SHISA9: variants seen among roughly 807,000 people sequenced by gnomAD.
The protein encoded by SHISA9 is shisa family member 9, also known as protein shisa-9.
SHISA9 carries 13 observed loss-of-function variants against 38.0 expected under a neutral mutation model. The ratio of observed to expected loss-of-function variants is 0.34; its 90% CI spans 0.22 to 0.54. The LOEUF (loss-of-function observed/expected upper bound fraction) is 0.54, where lower values mean the gene tolerates loss of function less well. Among genes scored for constraint, SHISA9 ranks in the 20% least tolerant of loss-of-function variants. SHISA9 has a pLI of 0.91. For missense variants in SHISA9, 538 were observed against 575.8 expected (o/e 0.93, Z 0.67); for synonymous variants, 275 against 242.0 (o/e 1.14, Z -1.27).
chr16:13,063,006 CT>C (rs201009080), intron 2 of SHISA9, among the ~76,000 whole-genome samples: 40 of 131,228 alleles, frequency 3.0e-4, no homozygotes, highest in African/African-American at 9.4e-4. Flanking sequence ...AGTTTCTTTT[CT>C]TTTTTTTTCT....
the SHISA9 span, among the ~76,000 whole-genome samples, chr16:13,347,812 T>C: frequency 4.8e-5 from 7 of 144,478 alleles, no homozygotes; most frequent in African/African-American, 2.5e-5. Context: ...ATTTTTTTTC[T>C]GACAATTGTG....
At chr16:13,532,428 C>A in the SHISA9 span, among the ~76,000 whole-genome samples, 2 of 152,112 alleles carry the variant, frequency 1.3e-5, no homozygotes, top group Non-Finnish European at 1.5e-5. Context: ...CAAACCAGAG[C>A]AGAGGTTCCA....
chr16:12,956,560 C>G (rs1031478239), intron 2 of SHISA9, among the ~76,000 whole-genome samples: 5 of 152,170 alleles, frequency 3.3e-5, no homozygotes, highest in African/African-American at 1.2e-4. Flanking sequence ...AGAATGAAAT[C>G]ATGTCCTTTG....
chr16:13,253,328 T>C, the SHISA9 span, among the ~76,000 whole-genome samples: 3 of 152,282 alleles, frequency 2.0e-5, no homozygotes, highest in South Asian at 6.2e-4. Flanking sequence ...GGTGCATCTC[T>C]TCTACTATCA....
chr16:12,944,759 C>A (rs1028820483), intron 2 of SHISA9, among the ~76,000 whole-genome samples: 2 of 152,060 alleles, frequency 1.3e-5, no homozygotes, highest in African/African-American at 4.8e-5. Flanking sequence ...TTTGGAAAAA[C>A]GTAGGAATTT....
intron 2 of SHISA9, among the ~76,000 whole-genome samples, chr16:13,084,651 G>A (rs1206888638): frequency 3.9e-5 from 6 of 152,216 alleles, no homozygotes. Context: ...TGACAATGAT[G>A]GTACGTGCTA....
intron 2 of SHISA9, among the ~76,000 whole-genome samples, chr16:13,067,665 G>A (rs958419474): frequency 6.6e-6 from 1 of 152,228 alleles, no homozygotes; most frequent in African/African-American, 2.4e-5. Flanking sequence ...AAATTTCAAT[G>A]CCTTGGCATT....
the SHISA9 span, among the ~76,000 whole-genome samples, chr16:13,421,634 A>G: frequency 6.6e-6 from 1 of 152,226 alleles, no homozygotes; most frequent in Admixed American, 6.5e-5. Context: ...CTAATTAACT[A>G]AGATGCAAAC....
At chr16:13,293,571 T>C in the SHISA9 span, among the ~76,000 whole-genome samples, 1 of 152,224 alleles carries the variant, frequency 6.6e-6, no homozygotes, top group African/African-American at 2.4e-5. Context: ...ATATATATAA[T>C]GTACTAGTAC....
chr16:13,189,452 CT>C (rs1443479171), intron 2 of SHISA9, among the ~76,000 whole-genome samples: 1 of 152,230 alleles, frequency 6.6e-6, no homozygotes, highest in Non-Finnish European at 1.5e-5. Context: ...TGCTGTGTGA[CT>C]TTGGGAAAGC....
intron 2 of SHISA9, among the ~76,000 whole-genome samples, chr16:12,939,937 A>C (rs958608610): frequency 1.1e-4 from 17 of 152,164 alleles, no homozygotes; most frequent in African/African-American, 4.1e-4. Context: ...TCCTCCTCCT[A>C]GGTGATTCTG....
At chr16:13,332,408 A>G in the SHISA9 span, 2 of 152,322 alleles carry the variant, frequency 1.3e-5, no homozygotes, top group South Asian at 2.1e-4. Flanking sequence ...TTGGAAAAAT[A>G]TTGAAAGGGC....
chr16:13,085,423 C>T (rs751104330), intron 2 of SHISA9, among the ~76,000 whole-genome samples: 12 of 152,042 alleles, frequency 7.9e-5, no homozygotes, highest in Non-Finnish European at 1.6e-4. Context: ...GCCGATGTCT[C>T]ATCAAGAGAC....
At chr16:13,259,138 C>T in the SHISA9 span, among the ~76,000 whole-genome samples, 2 of 152,070 alleles carry the variant, frequency 1.3e-5, no homozygotes, top group Non-Finnish European at 2.9e-5. Context: ...ACAGCCATTC[C>T]AAATGGGAGA....
At chr16:13,075,245 C>A (rs867962224) in intron 2 of SHISA9, among the ~76,000 whole-genome samples, 9 of 152,174 alleles carry the variant, frequency 5.9e-5, no homozygotes, top group African/African-American at 1.9e-4. Flanking sequence ...GCTTGGATAG[C>A]ATAATGAAGT....
At chr16:13,208,012 C>A (rs1044170568) in intron 3 of SHISA9, among the ~76,000 whole-genome samples, 1 of 152,090 alleles carries the variant, frequency 6.6e-6, no homozygotes, top group East Asian at 1.9e-4. Context: ...AAATAAATTT[C>A]TCTGGGAAGC....
At chr16:12,915,973 G>T (rs142451648) in intron 1 of SHISA9, among the ~76,000 whole-genome samples, 1 of 146,654 alleles carries the variant, frequency 6.8e-6, no homozygotes, top group African/African-American at 2.5e-5. Context: ...TCTGTTCTAC[G>T]TATGAACACT....
At chr16:13,435,264 T>C in the SHISA9 span, among the ~76,000 whole-genome samples, 1 of 152,096 alleles carries the variant, frequency 6.6e-6, no homozygotes, top group East Asian at 1.9e-4. Context: ...GAGATAACTA[T>C]ATGTCAGGAG....
In SHISA9 at chr16:13,148,850, A is replaced by C. The variant is rs2050472434; in HGVS notation, c.692-54544A>C. 3.3e-5 allele frequency among the ~76,000 whole-genome samples: 5 copies of C among 152,218 alleles called. No individual in the cohort carries two copies. In the South Asian group the frequency reaches 1.0e-3, roughly 32 times the overall value. On this transcript the variant is annotated intron_variant, in intron 2 of 4. Transcript: ENST00000558583. ...AAAAAAAAAAATTTTAAGTCTAAAA[A>C]GTTTATGGGGAAATAAAATTCTATT...
Sources: allele counts gnomAD v4.1 joint callset (sites outside exome capture counted in the v4.1 genomes callset), GRCh38; gene constraint gnomAD v4.1.1; transcripts MANE v1.5; gene names NCBI Gene and HGNC (gene_info 2026-07-23, HGNC 2026-07-21).